The following DYNC1I1 variants were observed in gnomAD, a reference collection of about 807,000 sequenced individuals.
DYNC1I1 encodes the protein dynein cytoplasmic 1 intermediate chain 1, also known as cytoplasmic dynein 1 intermediate chain 1.
DYNC1I1 carries 43 observed loss-of-function variants against 86.6 expected under a neutral mutation model. The ratio of observed to expected loss-of-function variants is 0.50; its 90% CI spans 0.39 to 0.64. The LOEUF is 0.64. DYNC1I1 is among the 30% of genes least tolerant of loss of function. The pLI, the probability that DYNC1I1 is intolerant of heterozygous loss-of-function variation, is 0.00. For missense variants in DYNC1I1, 604 were observed against 788.8 expected (o/e 0.77, Z 2.81); for synonymous variants, 262 against 283.7 (o/e 0.92, Z 0.77).
At chr7:96,060,677 G>A (rs1363230935) in intron 14 of DYNC1I1, among the ~76,000 whole-genome samples, 2 of 151,950 alleles carry the variant, frequency 1.3e-5, no homozygotes, top group African/African-American at 2.4e-5. Context: ...TGTAACAAAT[G>A]CACCACTCTG....
chr7:95,869,991 G>A lies in DYNC1I1; in HGVS notation c.483G>A (p.Gln161=). The change falls in exon 6 of 17, where the codon CAG becomes CAA. Residue 161 remains glutamine, a synonymous_variant. Transcript: ENST00000447467. ...KETQTPLATH[Q]SEEDEEDEEM... The stretch of plus-strand genomic sequence containing the variant: ...CCCAGACTCCTCTTGCCACGCATCA[G>A]TCTGAAGGTAAACTATGTCTTTGGC... The A allele has an allele frequency of 1.2e-6, 2 of 1,611,854 alleles. No individual in the cohort carries two copies. The highest frequency in any genetic ancestry group is 1.1e-5 in the South Asian group (1 of 90,394).
intron 6 of DYNC1I1, among the ~76,000 whole-genome samples, chr7:95,936,140 C>T (rs1020697092): frequency 6.6e-6 from 1 of 151,916 alleles, no homozygotes; most frequent in African/African-American, 2.4e-5. Context: ...AATGGTGTGT[C>T]TGCAAGAGAA....
chr7:95,804,667 T>A, intron 1 of DYNC1I1, 54 bp from the exon 2 acceptor site: 1 of 1,469,632 alleles, frequency 6.8e-7, no homozygotes, highest in South Asian at 1.4e-5. Context: ...TTTGCAATGA[T>A]ATACAGAAAA....
At chr7:95,813,059 C>G in intron 3 of DYNC1I1, 188 bp from the exon 4 acceptor site, 1 of 1,283,584 alleles carries the variant, frequency 7.8e-7, no homozygotes, top group Non-Finnish European at 1.1e-6. Context: ...TTCCAAAATA[C>G]AAAAAATTCA....
rs576294848 is a variant in DYNC1I1 at position 95,960,251 on chromosome 7, C to T, written c.491-17261C>T. ...CCTCCCGAGTAGCTGGGATTACAGG[C>T]GGACACCACCACTCCTGGCTAATTT... On this transcript the variant is annotated intron_variant, in intron 6 of 16. Coordinates refer to ENST00000447467, the MANE Select transcript of DYNC1I1 (RefSeq NM_001135556.2). Among the ~76,000 whole-genome samples the T allele has an allele frequency of 1.8e-3, 279 of 152,136 alleles. 2 individuals carry two copies. The highest frequency in any genetic ancestry group is 6.0e-3 in the African/African-American group (249 of 41,502).
At chr7:95,922,548 G>A (rs367735459) in intron 6 of DYNC1I1, among the ~76,000 whole-genome samples, 5 of 152,008 alleles carry the variant, frequency 3.3e-5, no homozygotes, top group East Asian at 1.9e-4. Context: ...TTCCATGCTG[G>A]GGGAGAAGGG....
chr7:96,054,270 AATG>A (rs1247004702), intron 14 of DYNC1I1, among the ~76,000 whole-genome samples: 7 of 152,144 alleles, frequency 4.6e-5, no homozygotes, highest in Non-Finnish European at 8.8e-5. Context: ...GTTTGCTGAG[AATG>A]ATGGTTTCCA....
intron 1 of DYNC1I1, among the ~76,000 whole-genome samples, chr7:95,799,137 G>A (rs527915911): frequency 2.6e-5 from 4 of 152,126 alleles, no homozygotes; most frequent in South Asian, 4.2e-4. Context: ...TAACCCCAGC[G>A]AAGGCCCAGG....
intron 14 of DYNC1I1, among the ~76,000 whole-genome samples, chr7:96,045,005 C>T (rs1009575379): frequency 6.6e-6 from 1 of 152,034 alleles, no homozygotes; most frequent in African/African-American, 2.4e-5. Context: ...GGGCAGGAGC[C>T]TTACCAGAGT....
intron 5 of DYNC1I1, among the ~76,000 whole-genome samples, chr7:95,861,406 A>T (rs758111430): frequency 1.3e-5 from 2 of 152,204 alleles, no homozygotes; most frequent in East Asian, 1.9e-4. Context: ...CTCAGAGTAG[A>T]TATATCTTGC....
At chr7:96,042,408 G>A (rs1431683546) in intron 14 of DYNC1I1, among the ~76,000 whole-genome samples, 1 of 152,166 alleles carries the variant, frequency 6.6e-6, no homozygotes, top group Non-Finnish European at 1.5e-5. Context: ...CAATTCAATA[G>A]CAATGACATT....
chr7:95,937,828 A>G (rs1444325047), intron 6 of DYNC1I1, among the ~76,000 whole-genome samples: 3 of 152,100 alleles, frequency 2.0e-5, no homozygotes, highest in Non-Finnish European at 4.4e-5. Flanking sequence ...CAGAAAAACA[A>G]GAAGAAAGTT....
chr7:95,904,314 T>C (rs1006936621), intron 6 of DYNC1I1, among the ~76,000 whole-genome samples: 1 of 152,124 alleles, frequency 6.6e-6, no homozygotes, highest in Non-Finnish European at 1.5e-5. Flanking sequence ...TGGAGGCAGC[T>C]GACTCCCAGA....
chr7:95,954,130 G>A (rs569632433), intron 6 of DYNC1I1, among the ~76,000 whole-genome samples: 2 of 152,020 alleles, frequency 1.3e-5, no homozygotes, highest in Non-Finnish European at 2.9e-5. Context: ...GGAAAAGGGA[G>A]TATAGGCCTT....
chr7:95,971,904 C>A (rs747774814), intron 6 of DYNC1I1, among the ~76,000 whole-genome samples: 10 of 152,220 alleles, frequency 6.6e-5, no homozygotes, highest in Non-Finnish European at 1.3e-4. Context: ...ACTCTCCACC[C>A]GAGCCAGCCT....
At chr7:95,819,318 T>C (rs895427736) in intron 4 of DYNC1I1, among the ~76,000 whole-genome samples, 17 of 152,188 alleles carry the variant, frequency 1.1e-4, no homozygotes, top group African/African-American at 4.1e-4. Flanking sequence ...CAATAATTCG[T>C]TGTGGGCAAC....
chr7:95,845,005 G>A (rs1465431357), intron 5 of DYNC1I1, among the ~76,000 whole-genome samples: 1 of 152,188 alleles, frequency 6.6e-6, no homozygotes, highest in Non-Finnish European at 1.5e-5. Context: ...TTATTCCAAA[G>A]TAGTTTGGCC....
At chr7:95,872,559 G>A (rs77268887) in intron 6 of DYNC1I1, among the ~76,000 whole-genome samples, 8,526 of 152,160 alleles carry the variant, frequency 0.056, 573 homozygotes, top group African/African-American at 0.16. Context: ...ACTGTGCACC[G>A]TAATGAACAT....
chr7:95,991,815 C>A (rs903274434), intron 9 of DYNC1I1, among the ~76,000 whole-genome samples: 1 of 151,970 alleles, frequency 6.6e-6, no homozygotes, highest in Non-Finnish European at 1.5e-5. Context: ...CTGAGAAATC[C>A]CTTTCAATTT....
Sources: gnomAD v4.1 joint callset for allele counts (sites outside exome capture counted in the v4.1 genomes callset) on GRCh38, gnomAD v4.1.1 for gene constraint, MANE v1.5 for transcripts, NCBI Gene and HGNC (gene_info 2026-07-23, HGNC 2026-07-21) for gene names.